The following AHSG variants were observed in gnomAD, a reference collection of about 807,000 sequenced individuals.
The protein encoded by AHSG is alpha-2-HS-glycoprotein.
A neutral mutation model predicts 30.1 loss-of-function variants in AHSG; 23 were observed. That is an observed-to-expected ratio of 0.76 (90% CI 0.55 to 1.08). The LOEUF (loss-of-function observed/expected upper bound fraction) is 1.08. AHSG is among the 50% of genes least tolerant of loss of function. The pLI, the probability that AHSG is intolerant of heterozygous loss-of-function variation, is 0.00. For missense variants in AHSG, 469 were observed against 459.5 expected (o/e 1.02, Z -0.19); for synonymous variants, 164 against 186.3 (o/e 0.88, Z 0.98).
rs747609503 is a variant in AHSG at position 186,620,835 on chromosome 3, C to T, written c.1009C>T (p.Arg337Trp). 45 of 1,614,034 alleles carry T rather than the reference C, an allele frequency of 2.8e-5. No homozygotes were observed. Among genetic ancestry groups the T allele is most frequent in the Middle Eastern group, 3.3e-4 (2 of 6,084 alleles). ...ACCCTCAGGAGAAGTGTCGCACCCC[C>T]GGAAAACACGCACAGTGGTGCAGCC... is the stretch of plus-strand genomic sequence containing the variant. ...GSPSGEVSHPRKTRTVVQPSV... is the reference protein window; with the variant it reads ...GSPSGEVSHPWKTRTVVQPSV... The change falls in exon 7 of 7, where the codon CGG (arginine) becomes TGG (tryptophan). Residue 337 changes from arginine to tryptophan, a missense_variant. Coordinates refer to ENST00000411641, the MANE Select transcript of AHSG (RefSeq NM_001622.4).
At position 186,619,869 on chromosome 3, in the gene AHSG, T is replaced by G. The variant is rs753816561; in HGVS notation, c.688T>G (p.Cys230Gly). The G allele has an allele frequency of 1.2e-6, 2 of 1,612,194 alleles. No individual in the cohort carries two copies. ...TCTCTGTGGGCAGCAATATGGCTTT[T>G]GTAAGGCAACACTCAGTGAGAAGCT... ...NLLAEKQYGF[C>G]KATLSEKLGG... The change falls in exon 6 of 7, where the codon TGT (cysteine) becomes GGT (glycine). Residue 230 changes from cysteine (C) to glycine (G), a missense_variant. Coordinates refer to ENST00000411641, the MANE Select transcript of AHSG (RefSeq NM_001622.4).
chr3:186,613,198 C>G lies in AHSG; in HGVS notation c.57C>G (p.Ala19=), dbSNP rs200892273. 1.2e-6 allele frequency: 2 copies of G among 1,614,090 alleles called. No homozygotes were observed. The highest frequency in any genetic ancestry group is 2.7e-5 in the African/African-American group (2 of 74,996). Residue 19 remains alanine (A), a synonymous_variant, in exon 1 of 7, where the codon GCC becomes GCG. Coordinates refer to ENST00000411641, the MANE Select transcript of AHSG (RefSeq NM_001622.4). ...CLAQLWGCHS[A]PHGPGLIYRQ... ...CTCAGCTCTGGGGCTGCCACTCAGC[C>G]CCACATGGCCCAGGGCTGATTTATA...
rs775343117 is a variant in AHSG at position 186,617,269 on chromosome 3, G to A, written c.492G>A (p.Ala164=). 3 of 1,614,048 alleles carry A rather than the reference G, an allele frequency of 1.9e-6. No homozygotes were observed. Among genetic ancestry groups the A allele is most frequent in the Non-Finnish European group, 2.5e-6 (3 of 1,180,032 alleles). ...ACGACACCAGGGTGGTGCACGCCGC[G>A]AAAGCTGCCCTGGCCGCCTTCAACG... is the stretch of plus-strand genomic sequence containing the variant. ...PLNDTRVVHA[A]KAALAAFNAQ... Residue 164 remains alanine, a synonymous_variant, in exon 4 of 7, where the codon GCG becomes GCA. Transcript: ENST00000411641.
rs1446842589 is a variant in AHSG at position 186,621,209 on chromosome 3, C to CA, written c.*284dup. 1 of 424,176 alleles carries CA rather than the reference C, an allele frequency of 2.4e-6. No individual in the cohort carries two copies. Among genetic ancestry groups the CA allele is most frequent in the Non-Finnish European group, 4.3e-6 (1 of 232,502 alleles). 26.3% of individuals were successfully genotyped at this position (424,176 alleles called of 1,614,324 possible). ...TGTTCTCTGCCTCTGGTTGACCTTA[C>CA]AAAAACCATTGGAACTGTGACTTTG... On this transcript the variant is annotated 3_prime_UTR_variant, in exon 7 of 7. Coordinates refer to ENST00000411641, the MANE Select transcript of AHSG (RefSeq NM_001622.4).
intron 4 of AHSG, 176 bp downstream of exon 4, chr3:186,617,526 T>G (rs1232711287): frequency 8.2e-7 from 1 of 1,223,772 alleles, no homozygotes; most frequent in Admixed American, 2.0e-5. Flanking sequence ...GGCTCCTGAG[T>G]GTCATGAGGA....
At position 186,617,356 on chromosome 3, in the gene AHSG, G is replaced by C. The variant is rs1716340723; in HGVS notation, c.573+6G>C. On this transcript the variant is annotated splice_donor_region_variant and intron_variant, in intron 4 of 6. Transcript: ENST00000411641. ...TTTCCCGGGCTCAGCTTGTGGTAAA[G>C]ACTGAGATTCTTTTGACAGGTTGGG... is the stretch of plus-strand genomic sequence containing the variant. The C allele has an allele frequency of 6.2e-7, 1 of 1,614,120 alleles. No homozygotes were observed. The highest frequency in any genetic ancestry group is 1.1e-5 in the South Asian group (1 of 91,090).
rs555583609 is a variant in AHSG at position 186,616,567 on chromosome 3, A to G, written c.409+40A>G. ...TCTTATTCTCATTTTTTCCTTGTAG[A>G]GAAAGTGGGGAAGGGATCTGAATAA... is the stretch of plus-strand genomic sequence containing the variant. On this transcript the variant is annotated intron_variant, in intron 3 of 6. Transcript: ENST00000411641. The G allele has an allele frequency of 5.3e-5, 80 of 1,506,176 alleles. 1 individual carries two copies. In the South Asian group the frequency reaches 9.0e-4, roughly 17 times the overall value. The allele number at this position is 1,506,176 out of a possible 1,614,324, so 93.3% of individuals were successfully genotyped here.
intron 6 of AHSG, 109 bp from the exon 7 acceptor site, chr3:186,620,477 T>C (rs1716446636): frequency 1.1e-6 from 1 of 948,242 alleles, no homozygotes; most frequent in Non-Finnish European, 1.6e-6. Context: ...TCTTTGCAAA[T>C]AAAAATGTAT....
chr3:186,617,104 C>A, intron 3 of AHSG, 83 bp from the exon 4 acceptor site: 1 of 1,545,504 alleles, frequency 6.5e-7, no homozygotes, highest in Non-Finnish European at 8.7e-7. Flanking sequence ...CTGGGGAATG[C>A]CTTAGCCCTT....
intron 5 of AHSG, among the ~76,000 whole-genome samples, chr3:186,619,020 G>A (rs1490084554): frequency 6.6e-6 from 1 of 152,188 alleles, no homozygotes; most frequent in Admixed American, 6.5e-5. Context: ...TCAGTGGCCA[G>A]GCATGATGGC....
intron 6 of AHSG, among the ~76,000 whole-genome samples, chr3:186,620,279 CAA>C (rs980138579): frequency 5.9e-5 from 9 of 152,138 alleles, no homozygotes; most frequent in African/African-American, 2.2e-4. Context: ...CTTCAGATGA[CAA>C]AGAGGGTGGC....
intron 6 of AHSG, 67 bp from the exon 7 acceptor site, chr3:186,620,519 G>C: frequency 7.2e-7 from 1 of 1,397,170 alleles, no homozygotes; most frequent in Non-Finnish European, 9.8e-7. Context: ...AGTGCCACCT[G>C]GGCCTGTGGG....
In AHSG at chr3:186,620,995, G is replaced by A; in HGVS notation, c.*65G>A. On this transcript the variant is annotated 3_prime_UTR_variant, in exon 7 of 7. Coordinates refer to ENST00000411641, the MANE Select transcript of AHSG (RefSeq NM_001622.4). The stretch of plus-strand genomic sequence containing the variant: ...CATAGCCACCATTTTGTCCAAGCCT[G>A]GGCATGGGTGGGGGGCCTTGTCTGC... 2 of 1,497,462 alleles carry A rather than the reference G, an allele frequency of 1.3e-6. No homozygotes were observed. The highest frequency in any genetic ancestry group is 2.4e-5 in the East Asian group (1 of 42,404). 92.8% of individuals were successfully genotyped at this position (1,497,462 alleles called of 1,614,324 possible).
chr3:186,619,917 A>G lies in AHSG; in HGVS notation c.736A>G (p.Thr246Ala). 1 of 1,613,376 alleles carries G rather than the reference A, an allele frequency of 6.2e-7. No homozygotes were observed. Among genetic ancestry groups the G allele is most frequent in the Non-Finnish European group, 8.5e-7 (1 of 1,179,796 alleles). The change falls in exon 6 of 7, where the codon ACC becomes GCC. Residue 246 changes from threonine (T) to alanine (A), a missense_variant. By Grantham distance (58) the Thr-to-Ala change is moderately conservative (BLOSUM62 0). Transcript: ENST00000411641. ...EKLGGAEVAV[T>A]CMVFQTQPVS... ...GCTTGGTGGGGCAGAGGTTGCAGTG[A>G]CCTGCATGGTGTTCCAAACACAGGT...
rs551537344 is a variant in AHSG, at chr3:186,616,534, A to T, written c.409+7A>T. ...AAATGTGATTCCAGTCCAGGTACAG[A>T]TGACTATTCTTATTCTCATTTTTTC... On this transcript the variant is annotated splice_region_variant and intron_variant, in intron 3 of 6. Coordinates refer to ENST00000411641, the MANE Select transcript of AHSG (RefSeq NM_001622.4). The T allele has an allele frequency of 1.9e-6, 3 of 1,601,272 alleles. No homozygotes were observed. The highest frequency in any genetic ancestry group is 2.2e-5 in the South Asian group (2 of 89,072).
At chr3:186,617,036 A>G in intron 3 of AHSG, 151 bp from the exon 4 acceptor site, 1 of 1,476,330 alleles carries the variant, frequency 6.8e-7, no homozygotes, top group Non-Finnish European at 9.0e-7. Flanking sequence ...CAGAAATGTC[A>G]GCATAGCAAA....
chr3:186,616,542 T>A lies in AHSG; in HGVS notation c.409+15T>A. 1 of 1,590,260 alleles carries A rather than the reference T, an allele frequency of 6.3e-7. No homozygotes were observed. Among genetic ancestry groups the A allele is most frequent in the Non-Finnish European group, 8.6e-7 (1 of 1,164,108 alleles). On this transcript the variant is annotated intron_variant, in intron 3 of 6. Coordinates refer to ENST00000411641, the MANE Select transcript of AHSG (RefSeq NM_001622.4). ...TTCCAGTCCAGGTACAGATGACTAT[T>A]CTTATTCTCATTTTTTCCTTGTAGA... is the stretch of plus-strand genomic sequence containing the variant.
chr3:186,618,281 C>T (rs368963325), intron 4 of AHSG, among the ~76,000 whole-genome samples: 11 of 152,314 alleles, frequency 7.2e-5, no homozygotes, highest in African/African-American at 2.6e-4. Flanking sequence ...AACTCACCTC[C>T]ACCCTGAAGG....
chr3:186,617,820 A>T, intron 4 of AHSG: 1 of 243,616 alleles, frequency 4.1e-6, no homozygotes, highest in South Asian at 5.1e-5. Flanking sequence ...CACTGGAGAA[A>T]ACATCTCATT....
Sources: allele counts gnomAD v4.1 joint callset (sites outside exome capture counted in the v4.1 genomes callset), GRCh38; gene constraint gnomAD v4.1.1; transcripts MANE v1.5; gene names NCBI Gene and HGNC (gene_info 2026-07-23, HGNC 2026-07-21).